CKAP5: variants seen among roughly 807,000 people sequenced by gnomAD.
The protein encoded by CKAP5 is cytoskeleton-associated protein 5.
CKAP5 carries 27 observed loss-of-function variants against 232.8 expected under a neutral mutation model. The ratio of observed to expected loss-of-function variants is 0.12; its 90% confidence interval spans 0.09 to 0.16. CKAP5 has a LOEUF of 0.16. CKAP5 is among the 10% of genes least tolerant of loss of function. CKAP5 has a pLI of 1.00. For synonymous variants in CKAP5, 785 were observed against 841.1 expected (o/e 0.93, Z 1.16); for missense variants, 1,838 against 2,424.7 (o/e 0.76, Z 5.08).
intron 18 of CKAP5, among the ~76,000 whole-genome samples, chr11:46,782,608 T>C (rs1195475357): frequency 2.0e-5 from 3 of 152,180 alleles, no homozygotes; most frequent in South Asian, 2.1e-4. Flanking sequence ...AGCAGCTACA[T>C]CATTCTTTCT....
In CKAP5 at chr11:46,812,621, A is replaced by AT. The variant is rs1032315387; in HGVS notation, c.459-1444dup. Among the ~76,000 whole-genome samples, 14 of 151,366 alleles carry AT rather than the reference A, an allele frequency of 9.2e-5. No individual in the cohort carries two copies. The South Asian group carries it at 1.5e-3, about 16-fold the overall frequency. The stretch of plus-strand genomic sequence containing the variant: ...TAATAGCTACTAGTGTACTCCAACG[A>AT]TTTTTTTTTCTTGGTTTTTGTTTTT... On this transcript the variant is annotated intron_variant, in intron 4 of 43. Transcript: ENST00000529230.
intron 1 of CKAP5, among the ~76,000 whole-genome samples, chr11:46,838,719 G>T (rs1371276176): frequency 6.8e-6 from 1 of 146,740 alleles, no homozygotes; most frequent in Non-Finnish European, 1.5e-5. Context: ...CCTTGAGCCC[G>T]GGAGGTGAAG....
intron 11 of CKAP5, among the ~76,000 whole-genome samples, chr11:46,797,227 C>T (rs189503527): frequency 2.0e-4 from 31 of 152,080 alleles, no homozygotes; most frequent in African/African-American, 7.0e-4. Context: ...ACTAGCCGGG[C>T]GTGGTGGCAC....
intron 13 of CKAP5, among the ~76,000 whole-genome samples, chr11:46,790,986 C>T (rs1282001117): frequency 6.6e-6 from 1 of 152,056 alleles, no homozygotes; most frequent in Admixed American, 6.6e-5. Context: ...TTGAGTCACA[C>T]ACTCCCTTAA....
intron 12 of CKAP5, among the ~76,000 whole-genome samples, chr11:46,796,021 C>T (rs1480459051): frequency 6.6e-6 from 1 of 151,880 alleles, no homozygotes; most frequent in Non-Finnish European, 1.5e-5. Context: ...AAAGTTTAGC[C>T]GGGCGTGGTG....
In CKAP5 at chr11:46,750,332, T is replaced by C. The variant is rs1484928336; in HGVS notation, c.5646A>G (p.Arg1882=). Residue 1882 remains arginine (R), a synonymous_variant, in exon 42 of 44, where the codon AGA becomes AGG. Transcript: ENST00000529230. The part of the protein sequence containing the change: ...SSQFFQSYVE[R]GLRVIEMERE... ...TCTCCATCTCAATCACCCGAAGGCCTCTTTCGACATAGCTCTGGAAGAACT... is the reference window on the plus strand; with the variant it reads ...TCTCCATCTCAATCACCCGAAGGCCCCTTTCGACATAGCTCTGGAAGAACT... 1 of 1,614,208 alleles carries C rather than the reference T, an allele frequency of 6.2e-7. No homozygotes were observed. Among genetic ancestry groups the C allele is most frequent in the South Asian group, 1.1e-5 (1 of 91,090 alleles).
chr11:46,764,098 A>C (rs1333635623), intron 28 of CKAP5, among the ~76,000 whole-genome samples: 2 of 152,122 alleles, frequency 1.3e-5, no homozygotes, highest in Non-Finnish European at 2.9e-5. Flanking sequence ...TTAGCCTCCC[A>C]AATTGTTGGG....
Position 46,754,878 on chromosome 11 carries a change from G to T in CKAP5, c.4869+10C>A, listed in dbSNP as rs750436794. 1.2e-6 allele frequency: 2 copies of T among 1,609,080 alleles called. No homozygotes were observed. Among genetic ancestry groups the T allele is most frequent in the South Asian group, 2.2e-5 (2 of 90,100 alleles). ...GATGGGAAGCTGAAATTCTGCAGAG[G>T]TGCCCTTACCGAAATCATGTTGCCA... On this transcript the variant is annotated intron_variant, in intron 36 of 43. Coordinates refer to ENST00000529230, the MANE Select transcript of CKAP5 (RefSeq NM_001008938.4).
At chr11:46,785,726 C>T (rs2134631334) in intron 16 of CKAP5, among the ~76,000 whole-genome samples, 1 of 152,296 alleles carries the variant, frequency 6.6e-6, no homozygotes, top group South Asian at 2.1e-4. Context: ...GAGGGGAATG[C>T]TTGAGCCCAG....
In CKAP5 at chr11:46,780,448, C is replaced by A. The variant is rs752133611; in HGVS notation, c.2287G>T (p.Ala763Ser). 28 of 1,613,784 alleles carry A rather than the reference C, an allele frequency of 1.7e-5. No individual in the cohort carries two copies. The highest frequency in any genetic ancestry group is 3.3e-5 in the Admixed American group (2 of 59,982). ...CTCACTGGGTTTGTTGCAGCAAGAG[C>A]TGTCTTCACATTGCTAATGAAAGCT... ...VKAFISNVKT[A>S]LAATNPAVRT... Residue 763 changes from alanine to serine, a missense_variant, in exon 19 of 44, where the codon GCT becomes TCT. By Grantham distance (99) the Ala-to-Ser change is moderately conservative. This residue lies in a region of CKAP5 where 767 missense variants were observed against 954.6 expected (regional missense o/e 0.80). Coordinates refer to ENST00000529230, the MANE Select transcript of CKAP5 (RefSeq NM_001008938.4).
chr11:46,759,088 C>T (rs759474282), intron 34 of CKAP5, 45 bp from the exon 35 acceptor site: 6 of 1,602,202 alleles, frequency 3.7e-6, no homozygotes, highest in Middle Eastern at 1.7e-4. Flanking sequence ...TATTACAAGA[C>T]ATCCCAGTCA....
At chr11:46,752,219 C>A (rs10838618) in intron 38 of CKAP5, among the ~76,000 whole-genome samples, 2 of 86,244 alleles carry the variant, frequency 2.3e-5, no homozygotes, top group South Asian at 5.4e-4. Context: ...CACACACACA[C>A]ACACACACAC....
chr11:46,789,998 C>A, intron 15 of CKAP5, 78 bp downstream of exon 15: 2 of 937,240 alleles, frequency 2.1e-6, no homozygotes, highest in South Asian at 1.5e-5. Context: ...GCAATTAGGA[C>A]AAATCCTTCA....
At chr11:46,778,362 A>G (rs772937718) in intron 21 of CKAP5, 49 bp from the exon 22 acceptor site, 9 of 1,601,116 alleles carry the variant, frequency 5.6e-6, no homozygotes, top group East Asian at 4.5e-5. Context: ...AAAAATGATG[A>G]TATCACGTTA....
chr11:46,778,440 T>C lies in CKAP5; in HGVS notation c.2573+20A>G, dbSNP rs1187382087. 1 of 1,613,852 alleles carries C rather than the reference T, an allele frequency of 6.2e-7. No homozygotes were observed. Among genetic ancestry groups the C allele is most frequent in the South Asian group, 1.1e-5 (1 of 91,004 alleles). ...TCAATACAATGAATGAAATAAACCATTTCACAGACTGGAACCTACCTGATC... is the reference window on the plus strand; with the variant it reads ...TCAATACAATGAATGAAATAAACCACTTCACAGACTGGAACCTACCTGATC... On this transcript the variant is annotated intron_variant, in intron 21 of 43. Transcript: ENST00000529230.
chr11:46,827,102 A>T (rs1254034845), intron 1 of CKAP5, among the ~76,000 whole-genome samples: 1 of 152,176 alleles, frequency 6.6e-6, no homozygotes. Flanking sequence ...TTTTTTTGGT[A>T]GTATTACACG....
intron 1 of CKAP5, among the ~76,000 whole-genome samples, chr11:46,838,440 C>T (rs1018916832): frequency 2.0e-5 from 3 of 151,488 alleles, no homozygotes; most frequent in African/African-American, 7.3e-5. Context: ...AGTTCAAGAC[C>T]AGCTTAGGCA....
At chr11:46,835,398 T>A (rs1276442350) in intron 1 of CKAP5, among the ~76,000 whole-genome samples, 1 of 151,722 alleles carries the variant, frequency 6.6e-6, no homozygotes, top group East Asian at 1.9e-4. Context: ...TGGAGAAATG[T>A]CTAATTCTAG....
At chr11:46,752,765 G>C (rs1262731602) in intron 37 of CKAP5, 55 bp from the exon 38 acceptor site, 2 of 1,393,934 alleles carry the variant, frequency 1.4e-6, no homozygotes, top group Non-Finnish European at 2.0e-6. Context: ...ATTCCAATTA[G>C]AATCAGCAGT....
Sources: gnomAD v4.1 joint callset for allele counts (sites outside exome capture counted in the v4.1 genomes callset) on GRCh38, gnomAD v4.1.1 for gene constraint, gnomAD v4.1.1 regional missense constraint, MANE v1.5 for transcripts, NCBI Gene and HGNC (gene_info 2026-07-23, HGNC 2026-07-21) for gene names.